IQGAP3: variants seen among roughly 807,000 people sequenced by gnomAD.
IQGAP3 encodes ras GTPase-activating-like protein IQGAP3.
Under a neutral mutation model 208.2 loss-of-function variants are expected in IQGAP3, and 165 were observed. The observed-to-expected ratio is 0.79, with a 90% CI of 0.70 to 0.90. IQGAP3 has a LOEUF of 0.90. IQGAP3 is among the 40% of genes least tolerant of loss of function. The probability of loss-of-function intolerance (pLI) is 0.00; values close to 1 mark genes in which losing one functional copy is unlikely to be tolerated. For missense variants in IQGAP3, 1,811 were observed against 2,043.1 expected (o/e 0.89, Z 2.19); for synonymous variants, 703 against 803.6 (o/e 0.87, Z 2.12).
chr1:156,569,262 C>G, intron 2 of IQGAP3, 114 bp downstream of exon 2: 1 of 657,044 alleles, frequency 1.5e-6, no homozygotes, highest in Non-Finnish European at 2.7e-6. Context: ...TTCAACTCGC[C>G]CTTTCCCACA....
intron 22 of IQGAP3, among the ~76,000 whole-genome samples, chr1:156,541,396 C>T (rs1303553045): frequency 3.9e-5 from 6 of 152,076 alleles, no homozygotes; most frequent in Admixed American, 2.6e-4. Flanking sequence ...GACAGGTAGA[C>T]GGGATGGACA....
chr1:156,530,765 C>T (rs1239401126), intron 33 of IQGAP3, among the ~76,000 whole-genome samples: 1 of 152,224 alleles, frequency 6.6e-6, no homozygotes, highest in African/African-American at 2.4e-5. Context: ...TCAGTCTTCA[C>T]TCCAGCGGGC....
chr1:156,550,513 T>C (rs1288213995), intron 15 of IQGAP3, among the ~76,000 whole-genome samples, 162 bp from the exon 16 acceptor site: 4 of 152,220 alleles, frequency 2.6e-5, no homozygotes, highest in Admixed American at 6.5e-5. Flanking sequence ...ATGTGTGGCA[T>C]GTGGTTCCCT....
intron 19 of IQGAP3, among the ~76,000 whole-genome samples, chr1:156,547,864 G>A (rs930875829): frequency 8.5e-5 from 13 of 152,334 alleles, no homozygotes; most frequent in Non-Finnish European, 1.3e-4. Context: ...GAGGGAGAGA[G>A]GGTAAGTAAC....
intron 23 of IQGAP3, 49 bp from the exon 24 acceptor site, chr1:156,540,039 G>A: frequency 1.9e-6 from 3 of 1,607,412 alleles, no homozygotes; most frequent in Non-Finnish European, 2.6e-6. Flanking sequence ...GCCATCCCAG[G>A]GCACAGAACA....
chr1:156,565,425 G>A (rs1676357794), intron 4 of IQGAP3, among the ~76,000 whole-genome samples: 1 of 152,294 alleles, frequency 6.6e-6, no homozygotes, highest in African/African-American at 2.4e-5. Context: ...CTGTCTTATA[G>A]TGCCTTTCTA....
chr1:156,557,596 C>A (rs1255457630), intron 11 of IQGAP3, among the ~76,000 whole-genome samples: 1 of 73,520 alleles, frequency 1.4e-5, no homozygotes, highest in Non-Finnish European at 3.1e-5. Context: ...CCAGCCGCCC[C>A]ATCCGGGAGG....
At chr1:156,550,199 G>T in intron 16 of IQGAP3, 62 bp downstream of exon 16, 1 of 1,172,476 alleles carries the variant, frequency 8.5e-7, no homozygotes, top group Non-Finnish European at 1.3e-6. Context: ...GATTATCTGG[G>T]CTGCTGCTGA....
rs747202672 is a variant in IQGAP3 at position 156,548,644 on chromosome 1, G to A, written c.1930C>T (p.Pro644Ser). 6.2e-7 allele frequency: 1 copy of A among 1,612,406 alleles called. No individual in the cohort carries two copies. The highest frequency in any genetic ancestry group is 8.5e-7 in the Non-Finnish European group (1 of 1,178,890). The change falls in exon 17 of 38, where the codon CCC (proline) becomes TCC (serine). Residue 644 changes from proline (P) to serine (S), a missense_variant. By Grantham distance (74) the Pro-to-Ser change is moderately conservative (BLOSUM62 -1). Transcript: ENST00000361170. The part of the protein sequence containing the change: ...NPAVALRGVV[P>S]DCANGYQRAL... ...CGCTGGTAGCCGTTGGCACAGTCGG[G>A]AACTACCCCTCGAAGGGCCACTGCG...
At chr1:156,550,703 C>T (rs1675507526) in intron 15 of IQGAP3, among the ~76,000 whole-genome samples, 1 of 152,200 alleles carries the variant, frequency 6.6e-6, no homozygotes, top group Non-Finnish European at 1.5e-5. Flanking sequence ...CAGGGATAGC[C>T]TACGCTGGAG....
At chr1:156,541,006 C>G in intron 22 of IQGAP3, 90 bp from the exon 23 acceptor site, 1 of 1,065,542 alleles carries the variant, frequency 9.4e-7, no homozygotes, top group Non-Finnish European at 1.4e-6. Context: ...ACCCCAGTCC[C>G]CGTTCTGCTT....
Position 156,561,876 on chromosome 1 carries a change from G to C in IQGAP3, c.1003C>G (p.Leu335Val). ...GVRRDFADWY[L>V]EQLNSDREQK... ...TCTCTGTCTGAGTTCAGCTGCTCCAGGTACCAGTCAGCAAAGTCTCTCCTC... is the reference window on the plus strand; with the variant it reads ...TCTCTGTCTGAGTTCAGCTGCTCCACGTACCAGTCAGCAAAGTCTCTCCTC... The change falls in exon 10 of 38, where the codon CTG becomes GTG. Residue 335 changes from leucine to valine, a missense_variant. Physicochemically the swap from Leu to Val is conservative, Grantham distance 32 (BLOSUM62 1). Coordinates refer to ENST00000361170, the MANE Select transcript of IQGAP3 (RefSeq NM_178229.5). The C allele has an allele frequency of 6.2e-7, 1 of 1,614,088 alleles. No homozygotes were observed. Among genetic ancestry groups the C allele is most frequent in the Non-Finnish European group, 8.5e-7 (1 of 1,179,998 alleles).
intron 29 of IQGAP3, 22 bp downstream of exon 29, chr1:156,534,479 A>G (rs749903128): frequency 6.7e-7 from 1 of 1,499,942 alleles, no homozygotes; most frequent in Non-Finnish European, 9.0e-7. Flanking sequence ...GAAAGGGGAC[A>G]GAGAGGAAAG....
rs755002592 is a variant in IQGAP3, at chr1:156,551,742, TG to T, written c.1696del (p.His566IlefsTer14). On this transcript the variant is annotated frameshift_variant, in exon 15 of 38. Transcript: ENST00000361170. LOFTEE classifies it high-confidence loss of function. The stretch of plus-strand genomic sequence containing the variant: ...CCTTTTGGCTGCCACAAGGAGGAGA[TG>T]GTACCGAGGGGCGACAGGGAGGCTG... ...DVSLPVAPRY[H>X]LLLVAAKRQK... The T allele has an allele frequency of 1.9e-6, 3 of 1,613,452 alleles. No homozygotes were observed. In the African/African-American group the frequency reaches 4.0e-5, roughly 22 times the overall value.
chr1:156,533,454 A>C (rs138525761), intron 31 of IQGAP3, among the ~76,000 whole-genome samples: 1 of 152,194 alleles, frequency 6.6e-6, no homozygotes, highest in Non-Finnish European at 1.5e-5. Context: ...CCTCCCAGTA[A>C]GTTGGCTTCC....
At chr1:156,543,147 G>A (rs1675067926) in intron 22 of IQGAP3, among the ~76,000 whole-genome samples, 1 of 152,112 alleles carries the variant, frequency 6.6e-6, no homozygotes, top group African/African-American at 2.4e-5. Context: ...CCAGGACAAT[G>A]GTGTTAGTGT....
chr1:156,538,713 T>A (rs1674826670), intron 26 of IQGAP3, 96 bp downstream of exon 26: 2 of 1,028,206 alleles, frequency 1.9e-6, no homozygotes, highest in Non-Finnish European at 1.5e-6. Context: ...TATGCCACCT[T>A]CAAAGTACAC....
chr1:156,554,129 C>A (rs1381367421), intron 13 of IQGAP3, 106 bp downstream of exon 13: 12 of 1,401,186 alleles, frequency 8.6e-6, no homozygotes, highest in Admixed American at 7.3e-5. Flanking sequence ...GGCCTGGGCC[C>A]AAGAATGGGA....
rs1210544430 is a variant in IQGAP3 at position 156,544,011 on chromosome 1, T to G, written c.2500A>C (p.Arg834=). 1.9e-6 allele frequency: 3 copies of G among 1,614,188 alleles called. No homozygotes were observed. The highest frequency in any genetic ancestry group is 2.2e-5 in the South Asian group (2 of 91,086). Residue 834 remains arginine (R), a synonymous_variant, in exon 22 of 38, where the codon AGG becomes CGG. Transcript: ENST00000361170. The part of the protein sequence containing the change: ...IVKIQAFFRA[R]KAQDDYRILV... ...ATCCTGTAGTCATCTTGGGCTTTCC[T>G]GGCTCGGAAAAATGCCTGGATCTTC...
Sources: gnomAD v4.1 joint callset for allele counts (sites outside exome capture counted in the v4.1 genomes callset) on GRCh38, gnomAD v4.1.1 for gene constraint, MANE v1.5 for transcripts, NCBI Gene and HGNC (gene_info 2026-07-23, HGNC 2026-07-21) for gene names.